The following EEF1AKMT2 variants were observed in gnomAD, a reference collection of about 807,000 sequenced individuals.
The protein encoded by EEF1AKMT2 is eukaryotic translation elongation factor 1 alpha lysine methyltransferase 2.
EEF1AKMT2 carries 32 observed loss-of-function variants against 35.8 expected under a neutral mutation model. The ratio of observed to expected loss-of-function variants is 0.89; its 90% CI spans 0.67 to 1.20. The LOEUF (loss-of-function observed/expected upper bound fraction) is 1.20, where lower values mean the gene tolerates loss of function less well. Among genes scored for constraint, EEF1AKMT2 ranks in the 50% most tolerant of loss-of-function variants. The pLI is 0.00. For synonymous variants in EEF1AKMT2, 121 were observed against 133.7 expected (o/e 0.91, Z 0.65); for missense variants, 330 against 347.5 (o/e 0.95, Z 0.40).
chr10:124,786,702 C>T (rs1950587398), intron 3 of EEF1AKMT2, among the ~76,000 whole-genome samples: 1 of 151,630 alleles, frequency 6.6e-6, no homozygotes. Context: ...CCTAGCTACT[C>T]AGGAGGCTGA....
intron 4 of EEF1AKMT2, among the ~76,000 whole-genome samples, chr10:124,769,063 T>TA (rs1270767894): frequency 1.4e-5 from 2 of 147,430 alleles, no homozygotes; most frequent in African/African-American, 2.5e-5. Flanking sequence ...ACCCCATCTC[T>TA]ACAAAAAAAT....
intron 3 of EEF1AKMT2, among the ~76,000 whole-genome samples, chr10:124,776,824 T>C (rs769966797): frequency 6.6e-6 from 1 of 150,652 alleles, no homozygotes; most frequent in Non-Finnish European, 1.5e-5. Flanking sequence ...AATAACATAA[T>C]TGAAAAATAC....
intron 3 of EEF1AKMT2, among the ~76,000 whole-genome samples, chr10:124,781,858 A>C (rs1012441671): frequency 6.6e-6 from 1 of 152,096 alleles, no homozygotes; most frequent in African/African-American, 2.4e-5. Flanking sequence ...TGTTTGAAAA[A>C]AATCATAATA....
At chr10:124,776,114 G>A (rs371683147) in intron 3 of EEF1AKMT2, among the ~76,000 whole-genome samples, 11 of 151,906 alleles carry the variant, frequency 7.2e-5, no homozygotes, top group African/African-American at 2.4e-4. Flanking sequence ...GTAGAGATGG[G>A]GTTTCACCGT....
At chr10:124,757,735 A>C (rs1218396510), downstream of EEF1AKMT2, 1 of 152,168 alleles carries the variant, frequency 6.6e-6, no homozygotes, top group Non-Finnish European at 1.5e-5. Context: ...AAAACAAAAA[A>C]ACAAAACCCA....
intron 4 of EEF1AKMT2, among the ~76,000 whole-genome samples, chr10:124,770,159 C>T (rs1950418065): frequency 6.6e-6 from 1 of 151,944 alleles, no homozygotes. Flanking sequence ...TAGCTCACAC[C>T]TGTTATCCCA....
intron 4 of EEF1AKMT2, among the ~76,000 whole-genome samples, chr10:124,767,416 G>A (rs999303588): frequency 6.6e-6 from 1 of 151,278 alleles, no homozygotes; most frequent in African/African-American, 2.4e-5. Flanking sequence ...GGGAGGCTGA[G>A]GCAGGAGAAT....
At chr10:124,785,113 G>A (rs540694571) in intron 3 of EEF1AKMT2, among the ~76,000 whole-genome samples, 2 of 151,804 alleles carry the variant, frequency 1.3e-5, no homozygotes, top group South Asian at 4.2e-4. Flanking sequence ...CAGGCGTGGT[G>A]TTGCGCTCCT....
chr10:124,782,602 A>AAG (rs1491021431), intron 3 of EEF1AKMT2, among the ~76,000 whole-genome samples: 2 of 120,442 alleles, frequency 1.7e-5, no homozygotes, highest in Non-Finnish European at 3.6e-5. Context: ...AAAAAAAAAA[A>AAG]AGAGTTCAAG....
downstream of EEF1AKMT2, among the ~76,000 whole-genome samples, chr10:124,757,164 TCC>T (rs753440502): frequency 5.6e-4 from 55 of 98,126 alleles, no homozygotes; most frequent in Middle Eastern, 4.7e-3. Flanking sequence ...CAACACTCCC[TCC>T]CACACACACA....
intron 3 of EEF1AKMT2, among the ~76,000 whole-genome samples, chr10:124,786,153 A>G (rs540679795): frequency 3.9e-5 from 6 of 152,154 alleles, no homozygotes; most frequent in African/African-American, 9.6e-5. Context: ...TTGGTGAATA[A>G]CACAAGGGGT....
At chr10:124,769,834 C>G (rs1950413132) in intron 4 of EEF1AKMT2, among the ~76,000 whole-genome samples, 1 of 151,074 alleles carries the variant, frequency 6.6e-6, no homozygotes, top group Non-Finnish European at 1.5e-5. Flanking sequence ...ATAATCCCAG[C>G]TACTCGGAGG....
chr10:124,786,774 C>CA (rs1293152150), intron 3 of EEF1AKMT2, among the ~76,000 whole-genome samples: 2 of 151,846 alleles, frequency 1.3e-5, no homozygotes, highest in Admixed American at 1.3e-4. Flanking sequence ...CGCACCACTG[C>CA]ACTCTAGCCT....
At chr10:124,776,478 C>A (rs1263736957) in intron 3 of EEF1AKMT2, among the ~76,000 whole-genome samples, 2 of 152,100 alleles carry the variant, frequency 1.3e-5, no homozygotes, top group African/African-American at 4.8e-5. Context: ...TAGCAGAGAA[C>A]TGAAAACCAC....
chr10:124,775,963 G>A (rs1337808775), intron 3 of EEF1AKMT2, among the ~76,000 whole-genome samples: 1 of 151,252 alleles, frequency 6.6e-6, no homozygotes, highest in Non-Finnish European at 1.5e-5. Flanking sequence ...TGTCGCCCAG[G>A]CTGCAATGCA....
intron 3 of EEF1AKMT2, among the ~76,000 whole-genome samples, chr10:124,786,137 G>T (rs890347194): frequency 5.9e-5 from 9 of 152,024 alleles, no homozygotes; most frequent in African/African-American, 2.2e-4. Context: ...TTATTTTTTG[G>T]TCAGGTTGGT....
At chr10:124,767,306 G>A (rs907906996) in intron 4 of EEF1AKMT2, among the ~76,000 whole-genome samples, 11 of 151,266 alleles carry the variant, frequency 7.3e-5, no homozygotes, top group African/African-American at 2.7e-4. Flanking sequence ...GAGGTCAGGA[G>A]ATCAAGACCA....
chr10:124,783,161 G>C (rs1950557602), intron 3 of EEF1AKMT2, among the ~76,000 whole-genome samples: 1 of 99,022 alleles, frequency 1.0e-5, no homozygotes, highest in Non-Finnish European at 1.9e-5. Flanking sequence ...TTTTTTTTGA[G>C]ACAGAGTCTT....
Position 124,782,388 on chromosome 10 carries a change from C to T in EEF1AKMT2, c.291+6655G>A, listed in dbSNP as rs183621723. 4.9e-4 allele frequency among the ~76,000 whole-genome samples: 74 copies of T among 152,018 alleles called. No individual in the cohort carries two copies. The East Asian group carries it at 9.9e-3, about 20-fold the overall frequency. On this transcript the variant is annotated intron_variant, in intron 3 of 6. Transcript: ENST00000368836. Reference sequence around the variant, plus strand: ...ACGAGGTCAGGAGATCGAGACCATCCTGGCTAACACGGTGAAACCCCGTCT... The same window carrying T: ...ACGAGGTCAGGAGATCGAGACCATCTTGGCTAACACGGTGAAACCCCGTCT...
Sources: gnomAD v4.1 joint callset for allele counts (sites outside exome capture counted in the v4.1 genomes callset) on GRCh38, gnomAD v4.1.1 for gene constraint, MANE v1.5 for transcripts, NCBI Gene and HGNC (gene_info 2026-07-23, HGNC 2026-07-21) for gene names.